Variants in SLC23A2 observed in about 807,000 individuals in gnomAD.
SLC23A2 encodes solute carrier family 23 member 2, also known as Na(+)/L-ascorbic acid transporter 2.
A neutral mutation model predicts 73.3 loss-of-function variants in SLC23A2; 36 were observed. That is an observed-to-expected ratio of 0.49 (90% CI 0.38 to 0.65). SLC23A2 has a LOEUF of 0.65. Among genes scored for constraint, SLC23A2 ranks in the 30% least tolerant of loss-of-function variants. SLC23A2 has a pLI of 0.00. For missense variants in SLC23A2, 507 were observed against 841.6 expected, an observed-to-expected ratio of 0.60 and a Z score of 4.92; for synonymous variants, 343 against 327.3, an observed-to-expected ratio of 1.05 and a Z score of -0.52.
At chr20:4,963,983 T>C (rs987616443) in intron 2 of SLC23A2, among the ~76,000 whole-genome samples, 17 of 151,786 alleles carry the variant, frequency 1.1e-4, no homozygotes, top group African/African-American at 4.1e-4. Context: ...GATATACTGC[T>C]AGTGGGAGTA....
At chr20:4,884,658 G>A in intron 8 of SLC23A2, 95 bp downstream of exon 8, 1 of 796,864 alleles carries the variant, frequency 1.3e-6, no homozygotes, top group Non-Finnish European at 2.2e-6. Flanking sequence ...GAAAAGAAGG[G>A]CTCAGTAAAA....
chr20:4,918,152 A>C (rs1012122165), intron 3 of SLC23A2, among the ~76,000 whole-genome samples: 6 of 152,220 alleles, frequency 3.9e-5, no homozygotes, highest in African/African-American at 1.2e-4. Context: ...AGCTTTCTAA[A>C]CTTAATAAAG....
At chr20:4,859,264 A>G (rs1929864198) in intron 16 of SLC23A2, 25 bp downstream of exon 16, 5 of 1,345,098 alleles carry the variant, frequency 3.7e-6, no homozygotes, top group East Asian at 4.6e-5. Flanking sequence ...AAAAAAAAAA[A>G]GTGTGTTTGA....
At chr20:4,951,607 G>A (rs1164373760) in intron 2 of SLC23A2, among the ~76,000 whole-genome samples, 3 of 152,156 alleles carry the variant, frequency 2.0e-5, no homozygotes, top group African/African-American at 7.2e-5. Context: ...GTTCATCGAT[G>A]ATTGCCTGGG....
At chr20:4,890,160 G>A (rs1277818644) in intron 6 of SLC23A2, among the ~76,000 whole-genome samples, 1 of 152,174 alleles carries the variant, frequency 6.6e-6, no homozygotes, top group Non-Finnish European at 1.5e-5. Context: ...TATATACTCT[G>A]TGCCTGGCTT....
chr20:5,002,172 G>A (rs1290577925), upstream of SLC23A2, among the ~76,000 whole-genome samples: 1 of 152,152 alleles, frequency 6.6e-6, no homozygotes, highest in African/African-American at 2.4e-5. Flanking sequence ...TAAGCAGAAA[G>A]GCCAAGTGTA....
rs977271018 is a variant in SLC23A2 at position 4,896,633 on chromosome 20, T to C, written c.482+2922A>G. ...CCCCCAGGACGAGAAAGAGTGAGAC[T>C]GGGGAATGAGTTCAGTCCTAGCACA... On this transcript the variant is annotated intron_variant, in intron 6 of 16. Coordinates refer to ENST00000338244, the MANE Select transcript of SLC23A2 (RefSeq NM_005116.6). Among the ~76,000 whole-genome samples the C allele has an allele frequency of 3.3e-5, 5 of 152,268 alleles. No homozygotes were observed. The South Asian group carries it at 1.0e-3, about 32-fold the overall frequency.
chr20:4,916,220 C>A (rs1011028262), intron 3 of SLC23A2, among the ~76,000 whole-genome samples: 1 of 152,198 alleles, frequency 6.6e-6, no homozygotes, highest in Non-Finnish European at 1.5e-5. Context: ...GAGAACTGTG[C>A]TCCAAGTCAT....
At chr20:4,960,308 A>C (rs2087360539) in intron 2 of SLC23A2, among the ~76,000 whole-genome samples, 1 of 152,230 alleles carries the variant, frequency 6.6e-6, no homozygotes, top group Non-Finnish European at 1.5e-5. Flanking sequence ...TCTTGTTGAC[A>C]GAGAAGAAAA....
At position 4,985,811 on chromosome 20, in the gene SLC23A2, C is replaced by T. The variant is rs114100904; in HGVS notation, c.-281-14892G>A. ...AGAGAACATCTATAGAAACAGACTGCGGATTAGTGTTGCCAGAGGCTGGGT... is the reference window on the plus strand; with the variant it reads ...AGAGAACATCTATAGAAACAGACTGTGGATTAGTGTTGCCAGAGGCTGGGT... On this transcript the variant is annotated intron_variant, in intron 1 of 16. Coordinates refer to ENST00000338244, the MANE Select transcript of SLC23A2 (RefSeq NM_005116.6). Among the ~76,000 whole-genome samples the T allele has an allele frequency of 4.0e-3, 612 of 152,112 alleles. 5 individuals are homozygous for T. The highest frequency in any genetic ancestry group is 0.013 in the African/African-American group (553 of 41,506).
Position 4,894,932 on chromosome 20 carries a change from G to T in SLC23A2, c.482+4623C>A, listed in dbSNP as rs576826592. On this transcript the variant is annotated intron_variant, in intron 6 of 16. Coordinates refer to ENST00000338244, the MANE Select transcript of SLC23A2 (RefSeq NM_005116.6). ...GGGGACGACTTGACCACAGCACCTTGTTCCTTCCTGTAATCTAGACACTTC... is the reference window on the plus strand; with the variant it reads ...GGGGACGACTTGACCACAGCACCTTTTTCCTTCCTGTAATCTAGACACTTC... 3.9e-5 allele frequency among the ~76,000 whole-genome samples: 6 copies of T among 152,338 alleles called. No individual in the cohort carries two copies. The South Asian group carries it at 1.2e-3, about 32-fold the overall frequency.
Position 4,875,026 on chromosome 20 carries a change from A to G in SLC23A2, c.825-330T>C, listed in dbSNP as rs547388300. ...CACATTGATGGGAAACGCTTACTCT[A>G]TGTAAAGGGAAAGGATGCCAGATAC... On this transcript the variant is annotated intron_variant, in intron 9 of 16. Transcript: ENST00000338244. Among the ~76,000 whole-genome samples, 3 of 152,358 alleles carry G rather than the reference A, an allele frequency of 2.0e-5. No homozygotes were observed. The South Asian group carries it at 6.2e-4, about 32-fold the overall frequency.
chr20:5,003,982 A>C (rs144872208), upstream of SLC23A2, among the ~76,000 whole-genome samples: 1,249 of 152,062 alleles, frequency 8.2e-3, 14 homozygotes, highest in Middle Eastern at 0.017. Flanking sequence ...CCTCTCAGTG[A>C]TGTGAGTTTC....
At chr20:4,924,747 G>A (rs760320739) in intron 3 of SLC23A2, among the ~76,000 whole-genome samples, 1 of 152,190 alleles carries the variant, frequency 6.6e-6, no homozygotes, top group Non-Finnish European at 1.5e-5. Flanking sequence ...CTCAAAGGCC[G>A]CCTTCTTGGT....
At chr20:4,941,776 AT>A (rs1338622187) in intron 2 of SLC23A2, among the ~76,000 whole-genome samples, 1 of 152,172 alleles carries the variant, frequency 6.6e-6, no homozygotes, top group African/African-American at 2.4e-5. Flanking sequence ...AAATAAAAAA[AT>A]AAAAAGAATG....
rs201286243 is a variant in SLC23A2 at position 4,902,580 on chromosome 20, G to A, written c.208-22C>T. On this transcript the variant is annotated intron_variant, in intron 4 of 16. Coordinates refer to ENST00000338244, the MANE Select transcript of SLC23A2 (RefSeq NM_005116.6). This position sits in a 1 kb window ranked among gnomAD's most constrained non-coding sequence, Gnocchi z 4.0. ...AGCTCTGCGAGCCAGAAGGAGAAAAGAAGGTGCTCATTAAACGTGAAGACC... is the reference window on the plus strand; with the variant it reads ...AGCTCTGCGAGCCAGAAGGAGAAAAAAAGGTGCTCATTAAACGTGAAGACC... 62 of 1,425,472 alleles carry A rather than the reference G, an allele frequency of 4.3e-5. 1 individual carries two copies. The Middle Eastern group carries it at 2.0e-3, about 45-fold the overall frequency. 88.3% of individuals were successfully genotyped at this position (1,425,472 alleles called of 1,614,324 possible). A position where few individuals can be genotyped will look rare whatever the true frequency, so the allele number is the denominator to read the frequency against.
Position 4,881,686 on chromosome 20 carries a change from C to T in SLC23A2, c.824+1956G>A, listed in dbSNP as rs116595699. Among the ~76,000 whole-genome samples the T allele has an allele frequency of 2.4e-3, 369 of 152,238 alleles. 2 individuals are homozygous for T. Among genetic ancestry groups the T allele is most frequent in the African/African-American group, 8.7e-3 (360 of 41,542 alleles). On this transcript the variant is annotated intron_variant, in intron 9 of 16. Transcript: ENST00000338244. ...TATTAATTCGTTCCCCCTGCTTTTA[C>T]TAGGTTCATTTTTTTGTCCTGTTTT... is the stretch of plus-strand genomic sequence containing the variant.
At chr20:4,918,154 TTAA>T (rs1318547311) in intron 3 of SLC23A2, among the ~76,000 whole-genome samples, 2 of 152,238 alleles carry the variant, frequency 1.3e-5, no homozygotes, top group African/African-American at 4.8e-5. Context: ...CTTTCTAAAC[TTAA>T]TAAAGTCTGG....
chr20:4,948,019 G>A (rs1368537860), intron 2 of SLC23A2, among the ~76,000 whole-genome samples: 1 of 152,180 alleles, frequency 6.6e-6, no homozygotes, highest in African/African-American at 2.4e-5. Flanking sequence ...TGTCTGGGAT[G>A]CCTGCTCCAT....
Sources: gnomAD v4.1 joint callset for allele counts (sites outside exome capture counted in the v4.1 genomes callset) on GRCh38, gnomAD v4.1.1 for gene constraint, Gnocchi (gnomAD v3.1) non-coding constraint, MANE v1.5 for transcripts, NCBI Gene and HGNC (gene_info 2026-07-23, HGNC 2026-07-21) for gene names.